PAPPA: variants seen among roughly 807,000 people sequenced by gnomAD.
PAPPA encodes the protein pappalysin 1.
In PAPPA, 60 loss-of-function variants were observed where a neutral mutation model predicts 164.0. The ratio of observed to expected loss-of-function variants is 0.37; its 90% CI spans 0.30 to 0.45. The LOEUF (loss-of-function observed/expected upper bound fraction) is 0.45, where lower values mean the gene tolerates loss of function less well. Ranked by LOEUF, PAPPA falls within the 20% of genes least tolerant of loss-of-function variation. PAPPA has a pLI of 1.00. For missense variants in PAPPA, 1,782 were observed against 2,087.3 expected (o/e 0.85, Z 2.85); for synonymous variants, 875 against 814.1 (o/e 1.07, Z -1.27).
chr9:116,276,725 C>T (rs1033933060), intron 9 of PAPPA, among the ~76,000 whole-genome samples: 4 of 152,166 alleles, frequency 2.6e-5, no homozygotes, highest in African/African-American at 2.4e-5. Context: ...CCCCACTCCT[C>T]TTCTCTCCCC....
intron 13 of PAPPA, among the ~76,000 whole-genome samples, chr9:116,340,752 A>G (rs568598312): frequency 3.2e-4 from 49 of 152,340 alleles, no homozygotes; most frequent in African/African-American, 1.1e-3. Flanking sequence ...TGTGTACCTT[A>G]GCCCCTTCTG....
intron 11 of PAPPA, among the ~76,000 whole-genome samples, chr9:116,332,001 C>A (rs185246506): frequency 6.6e-6 from 1 of 152,270 alleles, no homozygotes; most frequent in Non-Finnish European, 1.5e-5. Context: ...TAGAACCTCA[C>A]AACAATCCTA....
intron 2 of PAPPA, among the ~76,000 whole-genome samples, chr9:116,206,858 A>G (rs1844241836): frequency 6.6e-6 from 1 of 152,164 alleles, no homozygotes; most frequent in South Asian, 2.1e-4. Context: ...AGCAGAGGAA[A>G]CAGCATGAAT....
At chr9:116,170,825 A>G (rs772322092) in intron 1 of PAPPA, among the ~76,000 whole-genome samples, 4 of 151,870 alleles carry the variant, frequency 2.6e-5, no homozygotes, top group Non-Finnish European at 5.9e-5. Context: ...TTGTGCTAGG[A>G]CTGGAGGAAG....
At position 116,313,774 on chromosome 9, in the gene PAPPA, GTTTAATTTTAA is replaced by G. The variant is rs932491607; in HGVS notation, c.3147+10827_3147+10837del. Among the ~76,000 whole-genome samples, 3 of 152,148 alleles carry G rather than the reference GTTTAATTTTAA, an allele frequency of 2.0e-5. No homozygotes were observed. In the East Asian group the frequency reaches 5.8e-4, roughly 29 times the overall value. Reference sequence around the variant, plus strand: ...GTTCATGAAACTGAGGAACTAATTGGTTTAATTTTAATTCGTTAAATTTAAATAGCCTATTT... The same window carrying G: ...GTTCATGAAACTGAGGAACTAATTGGTTCGTTAAATTTAAATAGCCTATTT... On this transcript the variant is annotated intron_variant, in intron 10 of 21. Transcript: ENST00000328252.
chr9:116,346,927 C>A, intron 14 of PAPPA, 99 bp from the exon 15 acceptor site: 1 of 921,272 alleles, frequency 1.1e-6, no homozygotes, highest in Non-Finnish European at 1.6e-6. Context: ...CTCCTAGTGC[C>A]TGGGCGAGAC....
intron 10 of PAPPA, among the ~76,000 whole-genome samples, chr9:116,310,921 T>C (rs79078620): frequency 0.013 from 1,990 of 152,272 alleles, 52 homozygotes; most frequent in African/African-American, 0.046. Context: ...CAGGTATTTG[T>C]CAAGGATGAG....
chr9:116,253,576 A>G (rs941498464), intron 7 of PAPPA, among the ~76,000 whole-genome samples: 1 of 152,158 alleles, frequency 6.6e-6, no homozygotes, highest in Non-Finnish European at 1.5e-5. Flanking sequence ...CTCACCACCA[A>G]TAAAAAGTGA....
intron 7 of PAPPA, among the ~76,000 whole-genome samples, chr9:116,261,119 C>G (rs548711125): frequency 6.6e-6 from 1 of 152,108 alleles, no homozygotes; most frequent in South Asian, 2.1e-4. Flanking sequence ...GATAATTATT[C>G]GAGGGATTGT....
rs1452952679 is a variant in PAPPA at position 116,397,573 on chromosome 9, T to C, written c.*957T>C. The stretch of plus-strand genomic sequence containing the variant: ...AAAGTGACCCACATTTTTCCATAGC[T>C]CCTCACTTTTTAGCCCTTCTGCAAG... On this transcript the variant is annotated 3_prime_UTR_variant, in exon 22 of 22. Coordinates refer to ENST00000328252, the MANE Select transcript of PAPPA (RefSeq NM_002581.5). 1 of 152,608 alleles carries C rather than the reference T, an allele frequency of 6.6e-6. No individual in the cohort carries two copies. The highest frequency in any genetic ancestry group is 2.4e-5 in the African/African-American group (1 of 41,444). 9.5% of individuals were successfully genotyped at this position (152,608 alleles called of 1,614,324 possible). A position where few individuals can be genotyped will look rare whatever the true frequency, so the allele number is the denominator to read the frequency against.
intron 1 of PAPPA, among the ~76,000 whole-genome samples, chr9:116,165,216 A>G (rs1008219113): frequency 6.6e-6 from 1 of 152,126 alleles, no homozygotes; most frequent in African/African-American, 2.4e-5. Flanking sequence ...CTGACTTTAC[A>G]CCCTTTCCCA....
chr9:116,270,221 G>A (rs1354416940), intron 8 of PAPPA, among the ~76,000 whole-genome samples: 1 of 152,122 alleles, frequency 6.6e-6, no homozygotes, highest in African/African-American at 2.4e-5. Context: ...ACCACTTTAA[G>A]CTACTCAGAG....
chr9:116,277,823 C>T (rs549439808), intron 9 of PAPPA, among the ~76,000 whole-genome samples: 8 of 152,180 alleles, frequency 5.3e-5, no homozygotes, highest in South Asian at 2.1e-4. Flanking sequence ...ATTACAGGCG[C>T]GTGCCACCAC....
intron 20 of PAPPA, among the ~76,000 whole-genome samples, chr9:116,380,410 C>A (rs1846715745): frequency 6.6e-6 from 1 of 152,048 alleles, no homozygotes; most frequent in South Asian, 2.1e-4. Flanking sequence ...TTTTCAGGGC[C>A]AAATAAAGAA....
rs186537936 is a variant in PAPPA at position 116,307,412 on chromosome 9, C to G, written c.3147+4462C>G. Among the ~76,000 whole-genome samples the G allele has an allele frequency of 2.8e-3, 426 of 152,142 alleles. 2 individuals are homozygous for G. Among genetic ancestry groups the G allele is most frequent in the Non-Finnish European group, 4.8e-3 (324 of 67,996 alleles). On this transcript the variant is annotated intron_variant, in intron 10 of 21. Coordinates refer to ENST00000328252, the MANE Select transcript of PAPPA (RefSeq NM_002581.5). ...GTCAGGAGTTTGAGGCCAGCCTGACCAACATGGTGAAACCCCGTCTCTACT... is the reference window on the plus strand; with the variant it reads ...GTCAGGAGTTTGAGGCCAGCCTGACGAACATGGTGAAACCCCGTCTCTACT...
At chr9:116,372,814 G>C (rs966832316) in intron 19 of PAPPA, among the ~76,000 whole-genome samples, 1 of 152,082 alleles carries the variant, frequency 6.6e-6, no homozygotes, top group Non-Finnish European at 1.5e-5. Context: ...GGTTTGCTAG[G>C]CAATTCTATA....
At position 116,256,018 on chromosome 9, in the gene PAPPA, A is replaced by T. The variant is rs541903487; in HGVS notation, c.2733-9839A>T. The stretch of plus-strand genomic sequence containing the variant: ...AGCTGAAAAATTAAGTGAAAAAAAA[A>T]AAAAGATTCCAGGTTAGTGATGTTG... On this transcript the variant is annotated intron_variant, in intron 7 of 21. Coordinates refer to ENST00000328252, the MANE Select transcript of PAPPA (RefSeq NM_002581.5). 7.2e-5 allele frequency among the ~76,000 whole-genome samples: 11 copies of T among 151,992 alleles called. No homozygotes were observed. The South Asian group carries it at 8.4e-4, about 12-fold the overall frequency.
At chr9:116,392,466 G>A (rs1414397026) in intron 21 of PAPPA, among the ~76,000 whole-genome samples, 1 of 152,304 alleles carries the variant, frequency 6.6e-6, no homozygotes, top group Non-Finnish European at 1.5e-5. Context: ...CAGAGTCAGA[G>A]AGCTAGCATA....
chr9:116,393,156 C>T (rs1846916962), intron 21 of PAPPA, among the ~76,000 whole-genome samples: 1 of 152,180 alleles, frequency 6.6e-6, no homozygotes. Context: ...GCTGATTGAA[C>T]TGGGGAGGAC....
Sources: allele counts gnomAD v4.1 joint callset (sites outside exome capture counted in the v4.1 genomes callset), GRCh38; gene constraint gnomAD v4.1.1; transcripts MANE v1.5; gene names NCBI Gene and HGNC (gene_info 2026-07-23, HGNC 2026-07-21).